The following MEI4 variants were observed in gnomAD, a reference collection of about 807,000 sequenced individuals.
MEI4 encodes the protein meiotic double-stranded break formation protein 4.
Under a neutral mutation model 31.4 loss-of-function variants are expected in MEI4, and 27 were observed. The ratio of observed to expected loss-of-function variants is 0.86; its 90% CI spans 0.63 to 1.19. The LOEUF (loss-of-function observed/expected upper bound fraction) is 1.19. Ranked by LOEUF, MEI4 falls within the 50% of genes most tolerant of loss-of-function variation. The probability of loss-of-function intolerance (pLI) is 0.00; values close to 1 mark genes in which losing one functional copy is unlikely to be tolerated. For missense variants in MEI4, 329 were observed against 398.9 expected (o/e 0.82, Z 1.49); for synonymous variants, 122 against 145.4 (o/e 0.84, Z 1.16).
intron 3 of MEI4, among the ~76,000 whole-genome samples, chr6:77,778,743 A>G (rs949089837): frequency 1.3e-5 from 2 of 151,730 alleles, no homozygotes; most frequent in African/African-American, 2.4e-5. Context: ...ATAAATAAAT[A>G]AATACCAAAA....
intron 3 of MEI4, among the ~76,000 whole-genome samples, chr6:77,763,542 A>G (rs907327726): frequency 2.9e-4 from 44 of 152,154 alleles, no homozygotes; most frequent in Non-Finnish European, 1.0e-4. Flanking sequence ...CTGTTGACCA[A>G]CTGTTCAGCA....
rs1242394860 is a variant in MEI4 at position 77,914,664 on chromosome 6, G to C, written c.901-8425G>C. ...GTCTAGATAATCCGTCTAATGCTTA[G>C]AGTTGGTTGTTGAAGTTCCCAACTA... On this transcript the variant is annotated intron_variant, in intron 4 of 4. Coordinates refer to ENST00000684080, the MANE Select transcript of MEI4 (RefSeq NM_001322247.2). Among the ~76,000 whole-genome samples, 3 of 152,076 alleles carry C rather than the reference G, an allele frequency of 2.0e-5. No individual in the cohort carries two copies. In the East Asian group the frequency reaches 5.8e-4, roughly 29 times the overall value.
intron 1 of MEI4, among the ~76,000 whole-genome samples, chr6:77,689,771 AG>A (rs1769123858): frequency 6.6e-6 from 1 of 152,066 alleles, no homozygotes; most frequent in Admixed American, 6.6e-5. Context: ...ATGTGTTAGT[AG>A]GATAGGTGGG....
At chr6:77,855,013 ATG>A (rs1269981878) in intron 4 of MEI4, among the ~76,000 whole-genome samples, 1 of 152,064 alleles carries the variant, frequency 6.6e-6, no homozygotes. Context: ...CCCTTCCTGT[ATG>A]TAGAAATTGT....
intron 3 of MEI4, among the ~76,000 whole-genome samples, chr6:77,805,239 A>C (rs1365320844): frequency 6.6e-6 from 1 of 152,126 alleles, no homozygotes; most frequent in Non-Finnish European, 1.5e-5. Flanking sequence ...CTTATTAGAT[A>C]CCATACTTCT....
At chr6:77,875,706 T>G (rs1430723445) in intron 4 of MEI4, among the ~76,000 whole-genome samples, 1 of 151,646 alleles carries the variant, frequency 6.6e-6, no homozygotes, top group Non-Finnish European at 1.5e-5. Context: ...TATGACAACA[T>G]AATTTAACAG....
intron 2 of MEI4, among the ~76,000 whole-genome samples, chr6:77,699,172 A>AT (rs1041800047): frequency 2.3e-5 from 3 of 132,090 alleles, no homozygotes; most frequent in African/African-American, 5.7e-5. Context: ...CATTCGTCTA[A>AT]TTTTTTTTCA....
intron 4 of MEI4, among the ~76,000 whole-genome samples, chr6:77,881,057 C>T (rs984923337): frequency 4.0e-5 from 6 of 149,188 alleles, no homozygotes; most frequent in Non-Finnish European, 7.4e-5. Flanking sequence ...CTGAAAGTAT[C>T]TAGATTTTTT....
At chr6:77,696,248 C>G (rs1314097292) in intron 2 of MEI4, among the ~76,000 whole-genome samples, 1 of 152,136 alleles carries the variant, frequency 6.6e-6, no homozygotes, top group Non-Finnish European at 1.5e-5. Context: ...TAATTGAATA[C>G]CCTTTATTTC....
rs1769786059 is a variant in MEI4 at position 77,820,290 on chromosome 6, C to T, written c.769-8641C>T. Among the ~76,000 whole-genome samples the T allele has an allele frequency of 6.6e-6, 1 of 151,960 alleles. No homozygotes were observed. Among genetic ancestry groups the T allele is most frequent in the South Asian group, 2.1e-4 (1 of 4,828 alleles). ...TGGAGATGGAGTCTCACTCTGTTGC[C>T]CAGGCTGGAGGGCAATAGCGCGATC... On this transcript the variant is annotated intron_variant, in intron 3 of 4. Coordinates refer to ENST00000684080, the MANE Select transcript of MEI4 (RefSeq NM_001322247.2). The surrounding 1 kb of genome is among the most constrained non-coding windows in gnomAD (Gnocchi z 4.5).
chr6:77,703,014 AC>A (rs1439320656), intron 2 of MEI4, among the ~76,000 whole-genome samples: 1 of 152,018 alleles, frequency 6.6e-6, no homozygotes, highest in Non-Finnish European at 1.5e-5. Context: ...TATATTCTGT[AC>A]TTTTTTATAT....
In MEI4 at chr6:77,742,545, C is replaced by T. The variant is rs1050934601; in HGVS notation, c.233-18585C>T. ...GCCCCTTGGTGAGATGAGTAGTTTGCGAAAATTTTCTCCCATTTTGTAGGT... is the reference window on the plus strand; with the variant it reads ...GCCCCTTGGTGAGATGAGTAGTTTGTGAAAATTTTCTCCCATTTTGTAGGT... On this transcript the variant is annotated intron_variant, in intron 2 of 4. Coordinates refer to ENST00000684080, the MANE Select transcript of MEI4 (RefSeq NM_001322247.2). Among the ~76,000 whole-genome samples the T allele has an allele frequency of 1.1e-4, 17 of 152,212 alleles. No individual in the cohort carries two copies. The East Asian group carries it at 1.2e-3, about 10-fold the overall frequency.
intron 3 of MEI4, among the ~76,000 whole-genome samples, chr6:77,808,732 T>C (rs1769501044): frequency 1.3e-5 from 2 of 152,128 alleles, no homozygotes; most frequent in African/African-American, 4.8e-5. Flanking sequence ...GTGAAGGATA[T>C]TTATTTAGAA....
chr6:77,918,167 G>A (rs561325090), intron 4 of MEI4, among the ~76,000 whole-genome samples: 4 of 151,580 alleles, frequency 2.6e-5, no homozygotes, highest in African/African-American at 9.7e-5. Context: ...TTTGGTTACT[G>A]TAGCCTTGTA....
chr6:77,788,223 C>A (rs1404084538), intron 3 of MEI4, among the ~76,000 whole-genome samples: 2 of 152,156 alleles, frequency 1.3e-5, no homozygotes, highest in African/African-American at 4.8e-5. Context: ...TAAAAACTCT[C>A]AATAAATTAG....
In MEI4 at chr6:77,859,263, A is replaced by G. The variant is rs141597484; in HGVS notation, c.900+30201A>G. On this transcript the variant is annotated intron_variant, in intron 4 of 4. Coordinates refer to ENST00000684080, the MANE Select transcript of MEI4 (RefSeq NM_001322247.2). ...GTACCACATTTTGTTTACCCAGTCT[A>G]TCATTGATGTACATTTGGGTTGGTT... 3.9e-4 allele frequency among the ~76,000 whole-genome samples: 59 copies of G among 152,244 alleles called. 1 individual carries two copies. Among genetic ancestry groups the G allele is most frequent in the Non-Finnish European group, 1.0e-4 (7 of 68,020 alleles).
At chr6:77,849,915 A>G (rs1361338007) in intron 4 of MEI4, among the ~76,000 whole-genome samples, 1 of 152,194 alleles carries the variant, frequency 6.6e-6, no homozygotes, top group Non-Finnish European at 1.5e-5. Flanking sequence ...TTGGTTTTAA[A>G]CCCATACTGA....
intron 3 of MEI4, among the ~76,000 whole-genome samples, chr6:77,803,482 A>C (rs937835339): frequency 6.6e-6 from 1 of 152,158 alleles, no homozygotes; most frequent in African/African-American, 2.4e-5. Context: ...CGTCAAAGTC[A>C]TTCTCCATCC....
At chr6:77,889,829 T>C (rs1217044727) in intron 4 of MEI4, among the ~76,000 whole-genome samples, 2 of 152,206 alleles carry the variant, frequency 1.3e-5, no homozygotes, top group East Asian at 3.9e-4. Context: ...GCTTTAGCTC[T>C]AGCTGCGGCT....
Sources: gnomAD v4.1 joint callset for allele counts (sites outside exome capture counted in the v4.1 genomes callset) on GRCh38, gnomAD v4.1.1 for gene constraint, Gnocchi (gnomAD v3.1) non-coding constraint, MANE v1.5 for transcripts, NCBI Gene and HGNC (gene_info 2026-07-23, HGNC 2026-07-21) for gene names.